Variants in SETD4 observed in about 807,000 individuals in gnomAD.
The protein encoded by SETD4 is SET domain containing 4.
In SETD4, 46 loss-of-function variants were observed where a neutral mutation model predicts 58.3. The ratio of observed to expected loss-of-function variants is 0.79; its 90% CI spans 0.62 to 1.01. SETD4 has a LOEUF of 1.01. SETD4 is among the 50% of genes least tolerant of loss of function. The probability of loss-of-function intolerance (pLI) is 0.00; values close to 1 mark genes in which losing one functional copy is unlikely to be tolerated. For synonymous variants in SETD4, 190 were observed against 202.6 expected (o/e 0.94, Z 0.53); for missense variants, 490 against 523.3 (o/e 0.94, Z 0.62).
In SETD4 at chr21:36,045,634, G is replaced by A. The variant is rs2064284197; in HGVS notation, c.674C>T (p.Thr225Ile). ...GTCCAGGTACGGAGCGAGTGCACAG[G>A]TGTCCGGCTCTGCAGAAAGGCATTC... is the stretch of plus-strand genomic sequence containing the variant. Reference protein sequence around the residue: ...QRECLSAEPDTCALAPYLDLL... With the variant: ...QRECLSAEPDICALAPYLDLL... The change falls in exon 6 of 12, where the codon ACC (threonine) becomes ATC (isoleucine). Residue 225 changes from threonine to isoleucine, a missense_variant. Physicochemically the swap from Thr to Ile is moderately conservative, Grantham distance 89. Coordinates refer to ENST00000332131, the MANE Select transcript of SETD4 (RefSeq NM_017438.5). 1 of 1,614,042 alleles carries A rather than the reference G, an allele frequency of 6.2e-7. No individual in the cohort carries two copies. The highest frequency in any genetic ancestry group is 1.7e-5 in the Admixed American group (1 of 60,012).
intron 2 of SETD4, among the ~76,000 whole-genome samples, chr21:36,058,505 C>CAAA (rs61270283): frequency 7.4e-5 from 7 of 95,178 alleles, no homozygotes; most frequent in Non-Finnish European, 1.6e-4. Flanking sequence ...ACCTTGTCTC[C>CAAA]AAAAAAAAAA....
At chr21:36,043,305 A>G (rs2835244) in intron 7 of SETD4, 12,821 of 249,186 alleles carry the variant, frequency 0.051, 428 homozygotes, top group Non-Finnish European at 0.065. Flanking sequence ...ATAGATCACA[A>G]AAGAACATAC....
intron 4 of SETD4, chr21:36,050,124 C>A: frequency 1.3e-6 from 1 of 753,858 alleles, no homozygotes; most frequent in Non-Finnish European, 2.3e-6. Context: ...CTCTTGCAGA[C>A]CTCTATATCT....
intron 1 of SETD4, 132 bp downstream of exon 1, chr21:36,060,215 C>G (rs569138696): frequency 1.3e-6 from 1 of 763,380 alleles, no homozygotes; most frequent in African/African-American, 1.9e-5. Flanking sequence ...AATGCCTGCC[C>G]TGGAGGGGAC....
intron 4 of SETD4, chr21:36,050,706 A>G: frequency 6.2e-7 from 1 of 1,611,228 alleles, no homozygotes; most frequent in Non-Finnish European, 8.5e-7. Context: ...GCGGGGTCAT[A>G]GAGGTAAAGC....
At chr21:36,057,607 G>C (rs776737049) in intron 2 of SETD4, 14 of 412,858 alleles carry the variant, frequency 3.4e-5, no homozygotes, top group Non-Finnish European at 6.0e-5. Context: ...AATTCAAGCA[G>C]GCTTTCATAC....
chr21:36,047,546 G>C (rs2835255), intron 5 of SETD4, among the ~76,000 whole-genome samples: 114,387 of 152,092 alleles, frequency 0.75, 43,294 homozygotes, highest in South Asian at 0.83. Context: ...TGGAAGAGAA[G>C]AGGCTACTAT....
Position 36,035,098 on chromosome 21 carries a change from T to C in SETD4, c.*895A>G, listed in dbSNP as rs973300357. 1 of 152,038 alleles carries C rather than the reference T, an allele frequency of 6.6e-6. No individual in the cohort carries two copies. The allele number at this position is 152,038 out of a possible 1,614,324, so 9.4% of individuals were successfully genotyped here. On this transcript the variant is annotated 3_prime_UTR_variant, in exon 12 of 12. Coordinates refer to ENST00000332131, the MANE Select transcript of SETD4 (RefSeq NM_017438.5). ...AGGGTAAACAGGACTCTGGGCAACA[T>C]TGTCTAAGCGGCGTCCCCAGCACGG... is the stretch of plus-strand genomic sequence containing the variant.
chr21:36,050,182 A>T lies in SETD4; in HGVS notation c.208-1786T>A, dbSNP rs1207630611. ...ACTGGTAGATGTTACATCCAAGAGG[A>T]AACAATCCAGGCAAGGAAGCACAAG... On this transcript the variant is annotated intron_variant, in intron 4 of 11. Coordinates refer to ENST00000332131, the MANE Select transcript of SETD4 (RefSeq NM_017438.5). The T allele has an allele frequency of 1.0e-5, 11 of 1,083,918 alleles. No homozygotes were observed. In the Admixed American group the frequency reaches 1.7e-4, roughly 17 times the overall value. The allele number at this position is 1,083,918 out of a possible 1,614,324, so 67.1% of individuals were successfully genotyped here.
At chr21:36,038,404 T>C in intron 9 of SETD4, 131 bp from the exon 10 acceptor site, 1 of 1,152,836 alleles carries the variant, frequency 8.7e-7, no homozygotes, top group Non-Finnish European at 1.2e-6. Context: ...CATAAGCAGA[T>C]TCCCCAAACC....
chr21:36,039,380 CAAGAA>C (rs1426630718), intron 9 of SETD4, among the ~76,000 whole-genome samples: 1 of 152,130 alleles, frequency 6.6e-6, no homozygotes, highest in East Asian at 1.9e-4. Context: ...AACTCAAATG[CAAGAA>C]AAGAGGCCTA....
rs191137539 is a variant in SETD4 at position 36,060,256 on chromosome 21, G to T, written c.-37+91C>A. 3.2e-5 allele frequency: 15 copies of T among 462,172 alleles called. No homozygotes were observed. The East Asian group carries it at 2.3e-3, about 71-fold the overall frequency. The allele number at this position is 462,172 out of a possible 1,614,324, so 28.6% of individuals were successfully genotyped here. On this transcript the variant is annotated intron_variant, in intron 1 of 11. Coordinates refer to ENST00000332131, the MANE Select transcript of SETD4 (RefSeq NM_017438.5). ...ACCTAAACTCAGTTCTTTTTACGCT[G>T]ATGAATGAAAGACTAAGGAACGCAC...
At chr21:36,048,571 T>C (rs897293604) in intron 4 of SETD4, among the ~76,000 whole-genome samples, 175 bp from the exon 5 acceptor site, 2 of 152,044 alleles carry the variant, frequency 1.3e-5, no homozygotes, top group African/African-American at 2.4e-5. Context: ...AGTCAGCAGA[T>C]GCACACGAGG....
intron 7 of SETD4, chr21:36,042,467 TA>T (rs1283465722): frequency 6.6e-6 from 1 of 152,216 alleles, no homozygotes; most frequent in African/African-American, 2.4e-5. Context: ...ACATCAATAT[TA>T]AATTTATCAG....
intron 6 of SETD4, among the ~76,000 whole-genome samples, chr21:36,044,342 A>G (rs1464489431): frequency 2.0e-5 from 3 of 152,248 alleles, no homozygotes; most frequent in South Asian, 2.1e-4. Context: ...CTCTGTCACA[A>G]GTTGTTGTAT....
Position 36,041,726 on chromosome 21 carries a change from C to A in SETD4, c.983+81G>T, listed in dbSNP as rs764163607. The A allele has an allele frequency of 2.1e-6, 2 of 955,706 alleles. 1 individual carries two copies. Among genetic ancestry groups the A allele is most frequent in the South Asian group, 3.0e-5 (2 of 66,568 alleles). 59.2% of individuals were successfully genotyped at this position (955,706 alleles called of 1,614,324 possible). On this transcript the variant is annotated intron_variant, in intron 8 of 11. Coordinates refer to ENST00000332131, the MANE Select transcript of SETD4 (RefSeq NM_017438.5). ...TGATACAGGGTCAGGAGGGGTCTCA[C>A]CCCCATGGAAAATTTAACCCCAGGT...
intron 5 of SETD4, 36 bp downstream of exon 5, chr21:36,048,272 C>G (rs757310748): frequency 3.2e-6 from 5 of 1,560,726 alleles, no homozygotes; most frequent in Non-Finnish European, 4.4e-6. Flanking sequence ...TAAGGAGAAG[C>G]ACTTGCACCA....
At chr21:36,040,048 G>A (rs904132692) in intron 9 of SETD4, among the ~76,000 whole-genome samples, 2 of 152,254 alleles carry the variant, frequency 1.3e-5, no homozygotes, top group Admixed American at 6.5e-5. Flanking sequence ...TGGATGTGTC[G>A]ACAGGGGGCT....
rs544973982 is a variant in SETD4 at position 36,037,155 on chromosome 21, T to C, written c.1189-904A>G. Among the ~76,000 whole-genome samples, 14 of 152,242 alleles carry C rather than the reference T, an allele frequency of 9.2e-5. No homozygotes were observed. In the South Asian group the frequency reaches 2.9e-3, roughly 32 times the overall value. ...TAACAATATATTATGTACTTGAAAA[T>C]TGCTAAGTGCAGATTTTAAGTGTTC... On this transcript the variant is annotated intron_variant, in intron 10 of 11. Transcript: ENST00000332131.
Sources: allele counts gnomAD v4.1 joint callset (sites outside exome capture counted in the v4.1 genomes callset), GRCh38; gene constraint gnomAD v4.1.1; transcripts MANE v1.5; gene names NCBI Gene and HGNC (gene_info 2026-07-23, HGNC 2026-07-21).